Variants in PLEKHH1 observed in about 807,000 individuals in gnomAD.
PLEKHH1 encodes pleckstrin homology domain-containing family H member 1.
Under a neutral mutation model 160.0 loss-of-function variants are expected in PLEKHH1, and 104 were observed. That is an observed-to-expected ratio of 0.65 (90% CI 0.55 to 0.76). The LOEUF is 0.76. Ranked by LOEUF, PLEKHH1 falls within the 30% of genes least tolerant of loss-of-function variation. PLEKHH1 has a pLI of 0.00. For synonymous variants in PLEKHH1, 619 were observed against 678.4 expected (o/e 0.91, Z 1.36); for missense variants, 1,427 against 1,724.1 (o/e 0.83, Z 3.05).
In PLEKHH1 at chr14:67,544,460, A is replaced by T. The variant is rs761182908; in HGVS notation, c.126+2467A>T. ...CAGAAAAAAAGCCTTAATGAAGAGG[A>T]ATATATAATCAAAAATGACTAAATA... is the stretch of plus-strand genomic sequence containing the variant. On this transcript the variant is annotated intron_variant, in intron 2 of 28. Coordinates refer to ENST00000329153, the MANE Select transcript of PLEKHH1 (RefSeq NM_020715.3). Among the ~76,000 whole-genome samples, 80 of 152,214 alleles carry T rather than the reference A, an allele frequency of 5.3e-4. 1 individual carries two copies. Among genetic ancestry groups the T allele is most frequent in the Admixed American group, 1.8e-3 (27 of 15,284 alleles).
rs768066671 is a variant in PLEKHH1, at chr14:67,577,306, G to A, written c.2466G>A (p.Ser822=). 1.5e-5 allele frequency: 24 copies of A among 1,562,502 alleles called. No individual in the cohort carries two copies. The highest frequency in any genetic ancestry group is 2.4e-5 in the East Asian group (1 of 41,702). ...CTGGTTCCGTGCTTTGGGCAGATTC[G>A]CCGCTCTGGAGGCACCCCATGCTGT... ...KLMDGEGDPD[S]PLWRHPMLCY... Residue 822 remains serine, a synonymous_variant, in exon 18 of 29, where the codon TCG becomes TCA. Transcript: ENST00000329153.
At chr14:67,564,202 C>T (rs2034978044) in intron 7 of PLEKHH1, among the ~76,000 whole-genome samples, 1 of 152,064 alleles carries the variant, frequency 6.6e-6, no homozygotes, top group Admixed American at 6.6e-5. Flanking sequence ...GGGGTTTCAC[C>T]ATGTTGGCCA....
intron 9 of PLEKHH1, chr14:67,571,469 A>C (rs1310439773): frequency 5.7e-6 from 2 of 350,906 alleles, no homozygotes; most frequent in East Asian, 8.7e-5. Flanking sequence ...CTGGCCCCCT[A>C]GTGGCAAGGA....
Position 67,573,095 on chromosome 14 carries a change from T to C in PLEKHH1, c.1729-181T>C, listed in dbSNP as rs1014701331. ...CCTTGGCAGGACCACCCATGTTTTA[T>C]TTAGTCCTCTCTGAACCATAGCAGG... On this transcript the variant is annotated intron_variant, in intron 11 of 28. Transcript: ENST00000329153. The surrounding 1 kb of genome is among the most constrained non-coding windows in gnomAD (Gnocchi z 4.8). Among the ~76,000 whole-genome samples, 7 of 152,210 alleles carry C rather than the reference T, an allele frequency of 4.6e-5. No homozygotes were observed. Among genetic ancestry groups the C allele is most frequent in the Admixed American group, 6.5e-5 (1 of 15,274 alleles).
intron 2 of PLEKHH1, among the ~76,000 whole-genome samples, chr14:67,549,250 T>A (rs2034298940): frequency 6.6e-6 from 1 of 151,782 alleles, no homozygotes; most frequent in Non-Finnish European, 1.5e-5. Flanking sequence ...TGTGCGTGTG[T>A]GTGTGTGTAA....
chr14:67,547,238 A>G (rs2034216519), intron 2 of PLEKHH1, among the ~76,000 whole-genome samples: 1 of 152,168 alleles, frequency 6.6e-6, no homozygotes, highest in Non-Finnish European at 1.5e-5. Context: ...ACTAGGGACC[A>G]TGGGGTGGGA....
chr14:67,587,417 A>T lies in PLEKHH1; in HGVS notation c.*182A>T. The T allele has an allele frequency of 1.5e-6, 1 of 666,660 alleles. No individual in the cohort carries two copies. Among genetic ancestry groups the T allele is most frequent in the East Asian group, 2.7e-5 (1 of 36,684 alleles). 41.3% of individuals were successfully genotyped at this position (666,660 alleles called of 1,614,324 possible). ...GGTGCCTTATAATGTTTCAGGGCTC[A>T]ACTTTTTAAAATCCAGACCCAGTGT... On this transcript the variant is annotated 3_prime_UTR_variant, in exon 29 of 29. Transcript: ENST00000329153.
intron 1 of PLEKHH1, among the ~76,000 whole-genome samples, chr14:67,537,275 C>T (rs56074521): frequency 0.037 from 5,478 of 147,126 alleles, 167 homozygotes; most frequent in Middle Eastern, 0.1. Flanking sequence ...ACCCGGGAGG[C>T]GGAGGTTGCA....
chr14:67,580,895 CT>C (rs1292436870), intron 22 of PLEKHH1, 42 bp from the exon 23 acceptor site: 2 of 1,327,848 alleles, frequency 1.5e-6, no homozygotes, highest in Non-Finnish European at 2.2e-6. Context: ...CCCTTCTCTC[CT>C]TATCAGGAAA....
In PLEKHH1 at chr14:67,575,994, A is replaced by C. The variant is rs976986007; in HGVS notation, c.2341A>C (p.Lys781Gln). 3 of 1,611,262 alleles carry C rather than the reference A, an allele frequency of 1.9e-6. No homozygotes were observed. Among genetic ancestry groups the C allele is most frequent in the Non-Finnish European group, 2.5e-6 (3 of 1,177,856 alleles). The change falls in exon 16 of 29, where the codon AAG (lysine) becomes CAG (glutamine). Residue 781 changes from lysine to glutamine, a missense_variant. Around this residue, in one of 6 missense-constraint regions of PLEKHH1, gnomAD observed 436 missense variants for 607.5 expected, o/e 0.72. Transcript: ENST00000329153. ...CCCCACCTACCTCCTCATTGGCACC[A>C]AGCATGAAAAGGTAAGGAAGAGGGC... ...HSPTYLLIGT[K>Q]HEKDTWLYHL...
Position 67,573,214 on chromosome 14 carries a change from T to TG in PLEKHH1, c.1729-61dup. On this transcript the variant is annotated intron_variant, in intron 11 of 28. Coordinates refer to ENST00000329153, the MANE Select transcript of PLEKHH1 (RefSeq NM_020715.3). The surrounding 1 kb of genome is among the most constrained non-coding windows in gnomAD (Gnocchi z 4.8). The stretch of plus-strand genomic sequence containing the variant: ...GAGGCAGCTGGACCACTTGGACCTG[T>TG]GTGATGTCTAGGAGCCCTGAGTGAT... 9.8e-7 allele frequency: 1 copy of TG among 1,021,118 alleles called. No homozygotes were observed. Among genetic ancestry groups the TG allele is most frequent in the Non-Finnish European group, 1.5e-6 (1 of 650,122 alleles). 63.3% of individuals were successfully genotyped at this position (1,021,118 alleles called of 1,614,324 possible). A position where few individuals can be genotyped will look rare whatever the true frequency, so the allele number is the denominator to read the frequency against.
intron 9 of PLEKHH1, chr14:67,570,688 C>T (rs1476854399): frequency 1.3e-5 from 2 of 152,194 alleles, no homozygotes; most frequent in Admixed American, 1.3e-4. Flanking sequence ...CCCCTAACCA[C>T]GTGAATAACC....
At chr14:67,579,435 C>A in intron 21 of PLEKHH1, 124 bp downstream of exon 21, 1 of 800,518 alleles carries the variant, frequency 1.2e-6, no homozygotes, top group Non-Finnish European at 1.9e-6. Flanking sequence ...ATATTATGAA[C>A]TCACTGCATG....
intron 2 of PLEKHH1, among the ~76,000 whole-genome samples, chr14:67,552,850 G>C (rs907521561): frequency 6.6e-6 from 1 of 152,060 alleles, no homozygotes; most frequent in African/African-American, 2.4e-5. Context: ...GGGTGACCCA[G>C]GGCTGGGAGG....
intron 2 of PLEKHH1, among the ~76,000 whole-genome samples, chr14:67,546,076 G>A (rs1380773203): frequency 6.6e-6 from 1 of 152,200 alleles, no homozygotes; most frequent in Non-Finnish European, 1.5e-5. Context: ...GGTGGATTCT[G>A]GGAGAACATG....
intron 3 of PLEKHH1, 98 bp downstream of exon 3, chr14:67,555,985 CAGT>C: frequency 6.9e-7 from 1 of 1,459,432 alleles, no homozygotes; most frequent in Non-Finnish European, 9.4e-7. Context: ...ACATCACCAG[CAGT>C]ACTGTGTTAT....
At chr14:67,583,187 T>C (rs1336686189) in intron 24 of PLEKHH1, among the ~76,000 whole-genome samples, 1 of 152,190 alleles carries the variant, frequency 6.6e-6, no homozygotes, top group Non-Finnish European at 1.5e-5. Context: ...TAATAGTTGA[T>C]CTTTATAAAT....
chr14:67,576,286 A>T lies in PLEKHH1; in HGVS notation c.2353-109A>T, dbSNP rs1045506591. 2 of 651,034 alleles carry T rather than the reference A, an allele frequency of 3.1e-6. No homozygotes were observed. The highest frequency in any genetic ancestry group is 5.3e-6 in the Non-Finnish European group (2 of 376,314). The allele number at this position is 651,034 out of a possible 1,614,324, so 40.3% of individuals were successfully genotyped here. A position where few individuals can be genotyped will look rare whatever the true frequency, so the allele number is the denominator to read the frequency against. ...GGTAGCCCTGACTCATGCCAACCAA[A>T]CTAGCTGAACCCCACATGGGCTTGG... is the stretch of plus-strand genomic sequence containing the variant. On this transcript the variant is annotated intron_variant, in intron 16 of 28. Transcript: ENST00000329153. This position sits in a 1 kb window ranked among gnomAD's most constrained non-coding sequence, Gnocchi z 4.0.
intron 2 of PLEKHH1, among the ~76,000 whole-genome samples, chr14:67,552,834 G>A (rs2034450960): frequency 2.0e-5 from 3 of 152,004 alleles, no homozygotes; most frequent in African/African-American, 7.2e-5. Context: ...ACCTGGCAGT[G>A]ACAGAGGGTG....
Sources: gnomAD v4.1 joint callset for allele counts (sites outside exome capture counted in the v4.1 genomes callset) on GRCh38, gnomAD v4.1.1 for gene constraint, gnomAD v4.1.1 regional missense constraint, Gnocchi (gnomAD v3.1) non-coding constraint, MANE v1.5 for transcripts, NCBI Gene and HGNC (gene_info 2026-07-23, HGNC 2026-07-21) for gene names.